The following ADGRL1 variants were observed in gnomAD, a reference collection of about 807,000 sequenced individuals.
ADGRL1 encodes CIRL-1.
In ADGRL1, 31 loss-of-function variants were observed where a neutral mutation model predicts 148.9. That is an observed-to-expected ratio of 0.21 (90% CI 0.16 to 0.28). The LOEUF is 0.28. Among genes scored for constraint, ADGRL1 ranks in the 10% least tolerant of loss-of-function variants. The pLI is 1.00. For missense variants in ADGRL1, 1,521 were observed against 2,058.8 expected, an observed-to-expected ratio of 0.74 and a Z score of 5.05; for synonymous variants, 937 against 900.3, an observed-to-expected ratio of 1.04 and a Z score of -0.73.
intron 1 of ADGRL1, among the ~76,000 whole-genome samples, chr19:14,198,267 G>C (rs1303674702): frequency 6.6e-6 from 1 of 152,116 alleles, no homozygotes; most frequent in Non-Finnish European, 1.5e-5. Context: ...CCTGAACAGA[G>C]GGATGGGATC....
chr19:14,147,758 ATTTC>A lies in ADGRL1; in HGVS notation c.*3111_*3114del, dbSNP rs1275265609. The A allele has an allele frequency of 1.2e-4, 19 of 152,406 alleles. No homozygotes were observed. Among genetic ancestry groups the A allele is most frequent in the African/African-American group, 2.6e-4 (11 of 41,554 alleles). The allele number at this position is 152,406 out of a possible 1,614,324, so 9.4% of individuals were successfully genotyped here. A position where few individuals can be genotyped will look rare whatever the true frequency, so the allele number is the denominator to read the frequency against. ...ACTCTTGTCATTCCAAGAAATCTTA[ATTTC>A]TTTATTGTTTGACTTTTTGACTCAA... is the stretch of plus-strand genomic sequence containing the variant. On this transcript the variant is annotated 3_prime_UTR_variant, in exon 23 of 23. Coordinates refer to ENST00000361434, the MANE Select transcript of ADGRL1 (RefSeq NM_014921.5).
chr19:14,152,932 C>T lies in ADGRL1; in HGVS notation c.3295-20G>A. 1 of 1,612,230 alleles carries T rather than the reference C, an allele frequency of 6.2e-7. No homozygotes were observed. The highest frequency in any genetic ancestry group is 8.5e-7 in the Non-Finnish European group (1 of 1,179,288). ...GTGCACCTGGGAGGTGGAGGACAGT[C>T]AGCTGGCTGGGACACTGGCCTCCTC... On this transcript the variant is annotated intron_variant, in intron 18 of 22. Transcript: ENST00000361434. The surrounding 1 kb of genome is among the most constrained non-coding windows in gnomAD (Gnocchi z 6.1).
At position 14,165,351 on chromosome 19, in the gene ADGRL1, C is replaced by T. The variant is rs117318954; in HGVS notation, c.395-1945G>A. ...ACTGGCCTCTGCCCAAGCCGGTCCC[C>T]ACCCCCACCAGGTGTGTGGCATCTG... On this transcript the variant is annotated intron_variant, in intron 4 of 22. Coordinates refer to ENST00000361434, the MANE Select transcript of ADGRL1 (RefSeq NM_014921.5). Among the ~76,000 whole-genome samples the T allele has an allele frequency of 1.2e-3, 186 of 152,306 alleles. 2 individuals carry two copies. The East Asian group carries it at 0.032, about 27-fold the overall frequency.
chr19:14,162,959 T>C lies in ADGRL1; in HGVS notation c.842A>G (p.Asn281Ser). 1 of 1,613,890 alleles carries C rather than the reference T, an allele frequency of 6.2e-7. No individual in the cohort carries two copies. Among genetic ancestry groups the C allele is most frequent in the Non-Finnish European group, 8.5e-7 (1 of 1,179,952 alleles). Residue 281 changes from asparagine (N) to serine (S), a missense_variant, in exon 5 of 23, where the codon AAC becomes AGC. Transcript: ENST00000361434. The surrounding 1 kb of genome is among the most constrained non-coding windows in gnomAD (Gnocchi z 5.4). ...GLWVIYATEGNNGRLVVSQLN... is the reference protein window; with the variant it reads ...GLWVIYATEGSNGRLVVSQLN... ...CTGGCTCACCACCAGCCGCCCGTTG[T>C]TGCCCTCAGTGGCGTAGATGACCCA...
intron 1 of ADGRL1, among the ~76,000 whole-genome samples, chr19:14,189,276 C>T (rs1012559346): frequency 1.4e-4 from 21 of 147,440 alleles, no homozygotes; most frequent in Non-Finnish European, 3.2e-4. Context: ...GCTGGAGTGC[C>T]GTGGCCCAAT....
intron 3 of ADGRL1, among the ~76,000 whole-genome samples, chr19:14,172,208 T>C (rs982507196): frequency 4.0e-5 from 6 of 151,720 alleles, no homozygotes; most frequent in Admixed American, 2.6e-4. Context: ...GATCACCTGA[T>C]GTCAGAAGTT....
chr19:14,163,992 G>A (rs968288348), intron 4 of ADGRL1, among the ~76,000 whole-genome samples: 1 of 151,876 alleles, frequency 6.6e-6, no homozygotes, highest in African/African-American at 2.4e-5. Flanking sequence ...AAATTGCAAG[G>A]TAGAGTGGTG....
chr19:14,192,830 C>T (rs1419463969), intron 1 of ADGRL1, among the ~76,000 whole-genome samples: 2 of 152,204 alleles, frequency 1.3e-5, no homozygotes, highest in African/African-American at 2.4e-5. Context: ...AGATTACAGG[C>T]GTGAGCCACC....
In ADGRL1 at chr19:14,150,764, G is replaced by A. The variant is rs1197711768; in HGVS notation, c.*109C>T. On this transcript the variant is annotated 3_prime_UTR_variant, in exon 23 of 23. Transcript: ENST00000361434. ...GGCCCATGGCTGAGGGGCACCTGGAGAGAGTGGCCCACCAGCCACTGCCTC... is the reference window on the plus strand; with the variant it reads ...GGCCCATGGCTGAGGGGCACCTGGAAAGAGTGGCCCACCAGCCACTGCCTC... The A allele has an allele frequency of 1.8e-5, 24 of 1,347,604 alleles. No homozygotes were observed. The highest frequency in any genetic ancestry group is 2.4e-5 in the Non-Finnish European group (24 of 987,816). 83.5% of individuals were successfully genotyped at this position (1,347,604 alleles called of 1,614,324 possible). A position where few individuals can be genotyped will look rare whatever the true frequency, so the allele number is the denominator to read the frequency against.
intron 1 of ADGRL1, among the ~76,000 whole-genome samples, chr19:14,193,756 T>G (rs1972092627): frequency 6.6e-6 from 1 of 152,138 alleles, no homozygotes. Flanking sequence ...GACACAGACA[T>G]GCACAGAAGA....
intron 1 of ADGRL1, among the ~76,000 whole-genome samples, chr19:14,202,738 G>A (rs1426813360): frequency 2.0e-5 from 3 of 152,052 alleles, no homozygotes; most frequent in African/African-American, 4.8e-5. Flanking sequence ...ACAACTGCAG[G>A]TGCACAAAAG....
Position 14,159,038 on chromosome 19 carries a change from G to A in ADGRL1, c.2149+52C>T. The A allele has an allele frequency of 6.2e-7, 1 of 1,604,986 alleles. No homozygotes were observed. The highest frequency in any genetic ancestry group is 8.5e-7 in the Non-Finnish European group (1 of 1,174,800). ...CACAGAGACGCTGGCACAGAGCTGG[G>A]GGGTGGGGGTGGGGCTGCTTCCCCA... On this transcript the variant is annotated intron_variant, in intron 11 of 22. Coordinates refer to ENST00000361434, the MANE Select transcript of ADGRL1 (RefSeq NM_014921.5). This position sits in a 1 kb window ranked among gnomAD's most constrained non-coding sequence, Gnocchi z 6.0.
At chr19:14,192,375 G>C (rs1425168761) in intron 1 of ADGRL1, among the ~76,000 whole-genome samples, 4 of 150,016 alleles carry the variant, frequency 2.7e-5, no homozygotes, top group Non-Finnish European at 5.9e-5. Flanking sequence ...TGAGTAGCTA[G>C]GATTACAGTC....
In ADGRL1 at chr19:14,169,572, G is replaced by A. The variant is rs566815981; in HGVS notation, c.394+1110C>T. 4.6e-5 allele frequency: 7 copies of A among 152,422 alleles called. No homozygotes were observed. The East Asian group carries it at 9.6e-4, about 21-fold the overall frequency. The allele number at this position is 152,422 out of a possible 1,614,324, so 9.4% of individuals were successfully genotyped here. A position where few individuals can be genotyped will look rare whatever the true frequency, so the allele number is the denominator to read the frequency against. On this transcript the variant is annotated intron_variant, in intron 4 of 22. Coordinates refer to ENST00000361434, the MANE Select transcript of ADGRL1 (RefSeq NM_014921.5). ...ACGAAGAGTAAAAGAAGAAAATTAC[G>A]GAAGCACAGAAGGGATCCTGTTTCC...
chr19:14,156,875 C>T lies in ADGRL1; in HGVS notation c.2966+50G>A, dbSNP rs376453588. 4 of 1,592,046 alleles carry T rather than the reference C, an allele frequency of 2.5e-6. No homozygotes were observed. The African/African-American group carries it at 5.4e-5, about 21-fold the overall frequency. On this transcript the variant is annotated intron_variant, in intron 15 of 22. Transcript: ENST00000361434. The stretch of plus-strand genomic sequence containing the variant: ...AGGGTCCTGGTCCAAGGGGTGCCGC[C>T]CAGCAGGGAACCAGGTGGGAGGGTG...
Position 14,151,049 on chromosome 19 carries a change from G to A in ADGRL1, c.4234C>T (p.Pro1412Ser), listed in dbSNP as rs1331143234. 15 of 1,503,574 alleles carry A rather than the reference G, an allele frequency of 1.0e-5. No individual in the cohort carries two copies. The highest frequency in any genetic ancestry group is 1.3e-5 in the Non-Finnish European group (15 of 1,122,706). The allele number at this position is 1,503,574 out of a possible 1,614,324, so 93.1% of individuals were successfully genotyped here. ...GTGTAGTAGATTTCGGGGGGGCCGG[G>A]GGGTGCGGGAGGGGGTGGGGGCAGG... Reference protein sequence around the residue: ...EALPPPPPAPPGPPEIYYTSR... With the variant: ...EALPPPPPAPSGPPEIYYTSR... Residue 1412 changes from proline to serine, a missense_variant, in exon 23 of 23, where the codon CCC (proline) becomes TCC (serine). Coordinates refer to ENST00000361434, the MANE Select transcript of ADGRL1 (RefSeq NM_014921.5).
Sources: gnomAD v4.1 joint callset for allele counts (sites outside exome capture counted in the v4.1 genomes callset) on GRCh38, gnomAD v4.1.1 for gene constraint, Gnocchi (gnomAD v3.1) non-coding constraint, MANE v1.5 for transcripts, NCBI Gene and HGNC (gene_info 2026-07-23, HGNC 2026-07-21) for gene names.